ZBTB46: variants seen among roughly 807,000 people sequenced by gnomAD.
ZBTB46 encodes zinc finger and BTB domain-containing protein 46.
In ZBTB46, 8 loss-of-function variants were observed where a neutral mutation model predicts 44.1. That is an observed-to-expected ratio of 0.18 (90% CI 0.11 to 0.33). ZBTB46 has a LOEUF of 0.33. ZBTB46 is among the 10% of genes least tolerant of loss of function. The probability of loss-of-function intolerance (pLI) is 1.00; values close to 1 mark genes in which losing one functional copy is unlikely to be tolerated. For synonymous variants in ZBTB46, 409 were observed against 382.3 expected (o/e 1.07, Z -0.81); for missense variants, 651 against 847.7 (o/e 0.77, Z 2.88).
At chr20:63,753,611 G>A (rs568495636) in intron 3 of ZBTB46, among the ~76,000 whole-genome samples, 1 of 152,334 alleles carries the variant, frequency 6.6e-6, no homozygotes, top group Admixed American at 6.5e-5. Context: ...GAGCAGCCAC[G>A]TCCACGGGAC....
At chr20:63,813,460 T>A (rs796908411) in intron 1 of ZBTB46, among the ~76,000 whole-genome samples, 4,025 of 140,888 alleles carry the variant, frequency 0.029, 61 homozygotes, top group East Asian at 0.068. Context: ...AAAAAAAAAA[T>A]AAATAAATAA....
intron 3 of ZBTB46, among the ~76,000 whole-genome samples, chr20:63,770,214 C>G (rs1182600453): frequency 1.3e-5 from 2 of 152,180 alleles, no homozygotes; most frequent in Non-Finnish European, 2.9e-5. Flanking sequence ...CTTCCTCGTG[C>G]TGTTTGGAGA....
intron 1 of ZBTB46, among the ~76,000 whole-genome samples, chr20:63,800,909 G>A (rs538955035): frequency 6.6e-6 from 1 of 152,358 alleles, no homozygotes; most frequent in South Asian, 2.1e-4. Flanking sequence ...CAAGGGCTGA[G>A]GAGTGCAGGT....
intron 2 of ZBTB46, among the ~76,000 whole-genome samples, chr20:63,781,623 T>G (rs1313578234): frequency 6.6e-6 from 1 of 152,050 alleles, no homozygotes; most frequent in Non-Finnish European, 1.5e-5. Context: ...AAACCCCGTC[T>G]CTACTAAAAA....
intron 3 of ZBTB46, among the ~76,000 whole-genome samples, chr20:63,756,967 C>A: frequency 6.6e-6 from 1 of 152,202 alleles, no homozygotes; most frequent in East Asian, 1.9e-4. Flanking sequence ...GACTTAAGTT[C>A]TCATTATTTC....
At chr20:63,833,800 A>AACCAAG (rs2092862437), upstream of ZBTB46, among the ~76,000 whole-genome samples, 1 of 152,220 alleles carries the variant, frequency 6.6e-6, no homozygotes, top group African/African-American at 2.4e-5. Context: ...AAAAAGGAAG[A>AACCAAG]ACCAAGACCG....
rs369006238 is a variant in ZBTB46, at chr20:63,752,868, G to A, written c.1223-7C>T. ...ATCACCGTGAACTCATTCACTGAAA[G>A]AGAGGGACCCGCGAGGCGTCAGCAG... On this transcript the variant is annotated splice_polypyrimidine_tract_variant and splice_region_variant and intron_variant, in intron 3 of 4. Coordinates refer to ENST00000245663, the MANE Select transcript of ZBTB46 (RefSeq NM_001369741.1). This position sits in a 1 kb window ranked among gnomAD's most constrained non-coding sequence, Gnocchi z 5.6. The A allele has an allele frequency of 4.6e-5, 73 of 1,592,656 alleles. No homozygotes were observed. The highest frequency in any genetic ancestry group is 6.3e-5 in the Non-Finnish European group (73 of 1,164,362).
chr20:63,822,358 C>T (rs534817585), intron 1 of ZBTB46, among the ~76,000 whole-genome samples: 8 of 152,280 alleles, frequency 5.3e-5, no homozygotes, highest in South Asian at 4.1e-4. Flanking sequence ...GTATGTGACA[C>T]GGGCCCCCAA....
chr20:63,800,361 G>A (rs1339851041), intron 1 of ZBTB46, among the ~76,000 whole-genome samples: 1 of 152,220 alleles, frequency 6.6e-6, no homozygotes, highest in Non-Finnish European at 1.5e-5. Context: ...GAGGCTGCGG[G>A]AAGCTCCTGT....
intron 1 of ZBTB46, among the ~76,000 whole-genome samples, chr20:63,806,971 A>G (rs1341937530): frequency 6.6e-6 from 1 of 152,012 alleles, no homozygotes; most frequent in Non-Finnish European, 1.5e-5. Context: ...TTTAGTAGAG[A>G]CGGGGTTTCA....
At chr20:63,823,349 T>TA (rs2092802900) in intron 1 of ZBTB46, among the ~76,000 whole-genome samples, 2 of 151,380 alleles carry the variant, frequency 1.3e-5, no homozygotes, top group African/African-American at 2.4e-5. Context: ...AGTACAAAAA[T>TA]TAGCAGGGTG....
At chr20:63,747,333 C>G in intron 4 of ZBTB46, 32 bp from the exon 5 acceptor site, 3 of 819,986 alleles carry the variant, frequency 3.7e-6, no homozygotes, top group Non-Finnish European at 4.5e-6. Context: ...TGAGCAGGGC[C>G]TGGTGGGTTG....
At chr20:63,818,195 T>C (rs1207068515) in intron 1 of ZBTB46, among the ~76,000 whole-genome samples, 1 of 152,050 alleles carries the variant, frequency 6.6e-6, no homozygotes, top group East Asian at 1.9e-4. Context: ...GGCGCTGGGG[T>C]GAGAGCCACT....
chr20:63,747,992 G>A (rs956423523), intron 4 of ZBTB46, among the ~76,000 whole-genome samples: 6 of 152,348 alleles, frequency 3.9e-5, no homozygotes, highest in East Asian at 3.9e-4. Context: ...GGGACGGGCC[G>A]GGGTTGGGGC....
At chr20:63,768,668 T>C (rs6010648) in intron 3 of ZBTB46, among the ~76,000 whole-genome samples, 129,642 of 152,018 alleles carry the variant, frequency 0.85, 55,796 homozygotes, top group African/African-American at 0.95. Flanking sequence ...TCCAGGGAGG[T>C]ACACACCCCA....
intron 3 of ZBTB46, among the ~76,000 whole-genome samples, chr20:63,761,837 G>A (rs2092280633): frequency 6.6e-6 from 1 of 152,004 alleles, no homozygotes; most frequent in Non-Finnish European, 1.5e-5. Flanking sequence ...TGACTTGAGG[G>A]TTGTGTAAAC....
chr20:63,790,326 G>T lies in ZBTB46; in HGVS notation c.432C>A (p.Phe144Leu). Residue 144 changes from phenylalanine to leucine, a missense_variant, in exon 2 of 5, where the codon TTC (phenylalanine) becomes TTA (leucine). Phe to Leu is a conservative substitution (Grantham distance 22). Coordinates refer to ENST00000245663, the MANE Select transcript of ZBTB46 (RefSeq NM_001369741.1). The part of the protein sequence containing the change: ...KSDASDELAE[F>L]EIGASSSSST... Reference sequence around the variant, plus strand: ...TGCTGCTGGACGAGGCGCCGATCTCGAACTCCGCAAGCTCATCTGAGGCGT... The same window carrying T: ...TGCTGCTGGACGAGGCGCCGATCTCTAACTCCGCAAGCTCATCTGAGGCGT... The T allele has an allele frequency of 6.2e-7, 1 of 1,613,098 alleles. No individual in the cohort carries two copies. The highest frequency in any genetic ancestry group is 1.1e-5 in the South Asian group (1 of 91,058).
At chr20:63,762,890 G>T (rs1206711471) in intron 3 of ZBTB46, among the ~76,000 whole-genome samples, 3 of 152,078 alleles carry the variant, frequency 2.0e-5, no homozygotes, top group African/African-American at 7.2e-5. Flanking sequence ...GAGATAGGGT[G>T]TTGCTCCGTT....
At chr20:63,785,079 A>G (rs1252427251) in intron 2 of ZBTB46, among the ~76,000 whole-genome samples, 1 of 148,618 alleles carries the variant, frequency 6.7e-6, no homozygotes, top group Non-Finnish European at 1.5e-5. Flanking sequence ...TAAAAATACA[A>G]AAATTAGCCG....
Sources: allele counts gnomAD v4.1 joint callset (sites outside exome capture counted in the v4.1 genomes callset), GRCh38; gene constraint gnomAD v4.1.1; non-coding constraint Gnocchi (gnomAD v3.1); transcripts MANE v1.5; gene names NCBI Gene and HGNC (gene_info 2026-07-23, HGNC 2026-07-21).